Variants in CSMD1 observed in about 807,000 individuals in gnomAD.
CSMD1 encodes CUB and sushi domain-containing protein 1.
Under a neutral mutation model 417.5 loss-of-function variants are expected in CSMD1, and 213 were observed. That is an observed-to-expected ratio of 0.51 (90% CI 0.46 to 0.57). The LOEUF (loss-of-function observed/expected upper bound fraction) is 0.57. Ranked by LOEUF, CSMD1 falls within the 20% of genes least tolerant of loss-of-function variation. CSMD1 has a pLI of 0.00. For synonymous variants in CSMD1, 2,862 were observed against 1,736.8 expected (o/e 1.65, Z -16.11); for missense variants, 6,923 against 4,529.7 (o/e 1.53, Z -15.17).
chr8:3,956,953 C>G (rs1223153288), intron 5 of CSMD1, among the ~76,000 whole-genome samples: 2 of 152,034 alleles, frequency 1.3e-5, no homozygotes, highest in Admixed American at 6.5e-5. Flanking sequence ...ATTACTTTTT[C>G]TATACGGAAA....
At chr8:4,167,034 C>A (rs1380633363) in intron 3 of CSMD1, among the ~76,000 whole-genome samples, 1 of 152,132 alleles carries the variant, frequency 6.6e-6, no homozygotes, top group East Asian at 1.9e-4. Flanking sequence ...TCCCAGGGGA[C>A]TGCTAGAAAA....
intron 1 of CSMD1, among the ~76,000 whole-genome samples, chr8:4,847,972 C>T (rs994915625): frequency 1.3e-5 from 2 of 152,130 alleles, no homozygotes; most frequent in African/African-American, 4.8e-5. Context: ...TCAAGGCAAA[C>T]ACACACCACC....
At chr8:3,306,902 CAG>C (rs1554508771) in intron 25 of CSMD1, among the ~76,000 whole-genome samples, 1 of 152,048 alleles carries the variant, frequency 6.6e-6, no homozygotes, top group Non-Finnish European at 1.5e-5. Context: ...CATCATAACT[CAG>C]AACTCACTAT....
At chr8:4,776,067 G>A (rs1245072533) in intron 1 of CSMD1, among the ~76,000 whole-genome samples, 1 of 152,126 alleles carries the variant, frequency 6.6e-6, no homozygotes. Flanking sequence ...TAGGAAATGA[G>A]TGTTTGGATC....
chr8:3,974,417 G>C (rs1181047730), intron 5 of CSMD1, among the ~76,000 whole-genome samples: 1 of 151,794 alleles, frequency 6.6e-6, no homozygotes, highest in Admixed American at 6.6e-5. Context: ...TTTTCACTTC[G>C]ACCAGGATAT....
chr8:3,682,057 C>T (rs1021717100), intron 7 of CSMD1, among the ~76,000 whole-genome samples: 4 of 152,158 alleles, frequency 2.6e-5, no homozygotes, highest in African/African-American at 9.7e-5. Flanking sequence ...GGATTAAAGA[C>T]TTAAATGTTA....
chr8:3,107,712 T>C lies in CSMD1; in HGVS notation c.6835+6A>G, dbSNP rs765351058. On this transcript the variant is annotated splice_donor_region_variant and intron_variant, in intron 45 of 69. Coordinates refer to ENST00000635120, the MANE Select transcript of CSMD1 (RefSeq NM_033225.6). ...ATTCATGGTATTGTAATGAAGAAAG[T>C]ATTACCTATTTCGAAATCATCATCC... The C allele has an allele frequency of 1.3e-6, 2 of 1,527,444 alleles. No individual in the cohort carries two copies. Among genetic ancestry groups the C allele is most frequent in the African/African-American group, 1.4e-5 (1 of 72,216 alleles). The allele number at this position is 1,527,444 out of a possible 1,614,324, so 94.6% of individuals were successfully genotyped here.
Position 4,111,116 on chromosome 8 carries a change from T to C in CSMD1, c.416-79017A>G, listed in dbSNP as rs114348746. ...TTTCAAGGATTCCTTCTACAAAGTT[T>C]TGTTTTGCTCTGGTTTGGTTCGTAC... On this transcript the variant is annotated intron_variant, in intron 3 of 69. Coordinates refer to ENST00000635120, the MANE Select transcript of CSMD1 (RefSeq NM_033225.6). Among the ~76,000 whole-genome samples the C allele has an allele frequency of 5.7e-3, 862 of 152,268 alleles. 7 individuals carry two copies. The highest frequency in any genetic ancestry group is 0.02 in the African/African-American group (813 of 41,562).
intron 1 of CSMD1, among the ~76,000 whole-genome samples, chr8:4,670,725 A>G (rs1324631426): frequency 6.6e-6 from 1 of 152,234 alleles, no homozygotes; most frequent in Non-Finnish European, 1.5e-5. Context: ...CCAGAAAAAA[A>G]TAGTTGGCTC....
At chr8:3,265,169 C>G (rs1008477303) in intron 26 of CSMD1, among the ~76,000 whole-genome samples, 1 of 152,098 alleles carries the variant, frequency 6.6e-6, no homozygotes, top group Non-Finnish European at 1.5e-5. Flanking sequence ...TTTACACTCT[C>G]ACTAGAACCA....
chr8:3,037,245 G>A (rs373338184), intron 50 of CSMD1, among the ~76,000 whole-genome samples: 3 of 149,696 alleles, frequency 2.0e-5, no homozygotes, highest in South Asian at 2.1e-4. Context: ...TCGCTCTGTG[G>A]CCCAGGCTGG....
intron 7 of CSMD1, among the ~76,000 whole-genome samples, chr8:3,687,245 T>C (rs915160519): frequency 7.9e-5 from 12 of 152,236 alleles, no homozygotes; most frequent in Non-Finnish European, 1.8e-4. Context: ...TTGTTGCTTT[T>C]AAGTCCAGCT....
At chr8:4,034,914 G>C (rs529868172) in intron 3 of CSMD1, among the ~76,000 whole-genome samples, 1 of 152,280 alleles carries the variant, frequency 6.6e-6, no homozygotes, top group South Asian at 2.1e-4. Flanking sequence ...ACAATGACCA[G>C]TCATTGTCAC....
intron 2 of CSMD1, among the ~76,000 whole-genome samples, chr8:4,583,751 G>A (rs1799564238): frequency 6.7e-6 from 1 of 149,366 alleles, no homozygotes; most frequent in Admixed American, 6.6e-5. Flanking sequence ...AGACCACTGG[G>A]CTCTATCAAT....
chr8:3,787,544 G>A (rs986200596), intron 5 of CSMD1, among the ~76,000 whole-genome samples: 5 of 152,110 alleles, frequency 3.3e-5, no homozygotes, highest in Admixed American at 3.3e-4. Context: ...TCATATCCAT[G>A]AATAGGTAAG....
chr8:3,047,620 G>C (rs1038816096), intron 50 of CSMD1, among the ~76,000 whole-genome samples: 1 of 152,134 alleles, frequency 6.6e-6, no homozygotes, highest in South Asian at 2.1e-4. Context: ...GTTTGCTCCC[G>C]TCTTTTCGAA....
intron 1 of CSMD1, among the ~76,000 whole-genome samples, chr8:4,907,547 TTTC>T (rs143603021): frequency 0.59 from 88,867 of 151,626 alleles, 27,032 homozygotes; most frequent in African/African-American, 0.72. Context: ...TTGGTTTGTG[TTTC>T]TTTTTGTTGT....
At chr8:4,775,716 G>A (rs1342787764) in intron 1 of CSMD1, among the ~76,000 whole-genome samples, 2 of 152,154 alleles carry the variant, frequency 1.3e-5, no homozygotes, top group African/African-American at 4.8e-5. Flanking sequence ...TGGCCCACGT[G>A]GGGATGGGAT....
At chr8:4,855,169 G>A (rs1278423414) in intron 1 of CSMD1, among the ~76,000 whole-genome samples, 3 of 150,214 alleles carry the variant, frequency 2.0e-5, no homozygotes, top group African/African-American at 4.9e-5. Context: ...CACCTCACAC[G>A]GCAGGGTACT....
Sources: gnomAD v4.1 joint callset for allele counts (sites outside exome capture counted in the v4.1 genomes callset) on GRCh38, gnomAD v4.1.1 for gene constraint, MANE v1.5 for transcripts, NCBI Gene and HGNC (gene_info 2026-07-23, HGNC 2026-07-21) for gene names.